TRPC7: variants seen among roughly 807,000 people sequenced by gnomAD.
TRPC7 encodes short transient receptor potential channel 7.
Under a neutral mutation model 90.1 loss-of-function variants are expected in TRPC7, and 42 were observed. The ratio of observed to expected loss-of-function variants is 0.47; its 90% CI spans 0.36 to 0.60. The LOEUF (loss-of-function observed/expected upper bound fraction) is 0.60, where lower values mean the gene tolerates loss of function less well. Ranked by LOEUF, TRPC7 falls within the 20% of genes least tolerant of loss-of-function variation. TRPC7 has a pLI of 0.00. For missense variants in TRPC7, 955 were observed against 1,112.3 expected (o/e 0.86, Z 2.01); for synonymous variants, 451 against 436.3 (o/e 1.03, Z -0.42).
At chr5:136,328,038 C>A (rs1165695559) in intron 2 of TRPC7, among the ~76,000 whole-genome samples, 3 of 152,174 alleles carry the variant, frequency 2.0e-5, no homozygotes, top group African/African-American at 7.2e-5. Context: ...TCCATGGATA[C>A]AATTAATTGT....
chr5:136,315,992 A>C (rs1012616991), intron 2 of TRPC7: 3 of 574,958 alleles, frequency 5.2e-6, no homozygotes, highest in Admixed American at 3.1e-5. Context: ...CTAGGTCAGC[A>C]TGTGTGAAGG....
chr5:136,304,665 A>G (rs1251540216), intron 3 of TRPC7, among the ~76,000 whole-genome samples: 3 of 151,984 alleles, frequency 2.0e-5, no homozygotes, highest in African/African-American at 7.2e-5. Flanking sequence ...TACCTGGGCT[A>G]TACTGCTGCA....
intron 2 of TRPC7, among the ~76,000 whole-genome samples, chr5:136,352,138 G>A (rs998165153): frequency 2.0e-5 from 3 of 152,158 alleles, no homozygotes; most frequent in African/African-American, 7.2e-5. Flanking sequence ...CACAGTCTCT[G>A]ATTTGGGCAC....
chr5:136,280,964 G>A (rs907376313), intron 3 of TRPC7, among the ~76,000 whole-genome samples: 9 of 152,136 alleles, frequency 5.9e-5, no homozygotes, highest in Admixed American at 2.0e-4. Flanking sequence ...TGATTATGAC[G>A]ACAGGGCCTG....
At chr5:136,281,768 T>G (rs1424284343) in intron 3 of TRPC7, among the ~76,000 whole-genome samples, 1 of 151,874 alleles carries the variant, frequency 6.6e-6, no homozygotes, top group African/African-American at 2.4e-5. Context: ...TCAAGGGAGG[T>G]TTCAAGGGTT....
intron 3 of TRPC7, among the ~76,000 whole-genome samples, chr5:136,298,910 T>A (rs1337514910): frequency 6.6e-6 from 1 of 152,172 alleles, no homozygotes; most frequent in Non-Finnish European, 1.5e-5. Context: ...GTGATGATTA[T>A]TAGACTATGA....
intron 2 of TRPC7, among the ~76,000 whole-genome samples, chr5:136,344,614 G>C (rs1226668304): frequency 6.6e-6 from 1 of 152,160 alleles, no homozygotes; most frequent in Non-Finnish European, 1.5e-5. Flanking sequence ...GCAGCACGTG[G>C]CACATCAAAT....
chr5:136,308,052 T>G (rs1758705423), intron 3 of TRPC7, among the ~76,000 whole-genome samples: 1 of 152,218 alleles, frequency 6.6e-6, no homozygotes, highest in African/African-American at 2.4e-5. Flanking sequence ...GTCGGGCTCC[T>G]GGACACGACA....
intron 3 of TRPC7, among the ~76,000 whole-genome samples, chr5:136,292,180 A>G (rs1757981768): frequency 6.6e-6 from 1 of 152,258 alleles, no homozygotes; most frequent in Non-Finnish European, 1.5e-5. Context: ...AATGCCCAAA[A>G]GACAAAGCAG....
chr5:136,273,568 G>A (rs1018767513), intron 4 of TRPC7, among the ~76,000 whole-genome samples: 1 of 152,104 alleles, frequency 6.6e-6, no homozygotes, highest in Non-Finnish European at 1.5e-5. Context: ...CTGGTTAGGT[G>A]GCCTCACCAG....
At chr5:136,261,176 C>A (rs1456977773) in intron 5 of TRPC7, among the ~76,000 whole-genome samples, 2 of 152,166 alleles carry the variant, frequency 1.3e-5, no homozygotes, top group African/African-American at 2.4e-5. Flanking sequence ...GTGCTCAAAT[C>A]TATCTCTCAG....
rs561003342 is a variant in TRPC7 at position 136,312,810 on chromosome 5, G to C, written c.963+2787C>G. 5.3e-5 allele frequency among the ~76,000 whole-genome samples: 8 copies of C among 152,246 alleles called. No individual in the cohort carries two copies. The South Asian group carries it at 1.7e-3, about 32-fold the overall frequency. On this transcript the variant is annotated intron_variant, in intron 3 of 11. Transcript: ENST00000513104. ...GATCCAGAGTGCAGTACCAGCCACA[G>C]AGCAGCACCACCTTCATTCAAATCC...
intron 3 of TRPC7, among the ~76,000 whole-genome samples, chr5:136,312,130 C>T (rs993836353): frequency 6.6e-6 from 1 of 152,156 alleles, no homozygotes; most frequent in African/African-American, 2.4e-5. Flanking sequence ...GCTACATCTC[C>T]AATTCTGCTT....
intron 3 of TRPC7, among the ~76,000 whole-genome samples, chr5:136,297,416 GT>G (rs1271690696): frequency 6.6e-6 from 1 of 151,996 alleles, no homozygotes; most frequent in African/African-American, 2.4e-5. Flanking sequence ...CATCTGATGG[GT>G]TTAGTAGGGA....
chr5:136,298,053 G>A (rs6894680), intron 3 of TRPC7, among the ~76,000 whole-genome samples: 18,410 of 152,230 alleles, frequency 0.12, 1,163 homozygotes, highest in African/African-American at 0.14. Context: ...TGGGGATACA[G>A]TGGTGAGTTG....
intron 3 of TRPC7, among the ~76,000 whole-genome samples, chr5:136,305,221 C>G (rs1010473114): frequency 6.6e-6 from 1 of 152,116 alleles, no homozygotes; most frequent in Non-Finnish European, 1.5e-5. Flanking sequence ...CTCTCTGATC[C>G]ACCTGATATT....
chr5:136,308,593 C>G (rs1224212030), intron 3 of TRPC7, among the ~76,000 whole-genome samples: 1 of 152,222 alleles, frequency 6.6e-6, no homozygotes. Flanking sequence ...CCTGCCTGTG[C>G]TTTGTGCAGA....
At chr5:136,281,321 A>G (rs1757545218) in intron 3 of TRPC7, among the ~76,000 whole-genome samples, 1 of 152,252 alleles carries the variant, frequency 6.6e-6, no homozygotes, top group Non-Finnish European at 1.5e-5. Flanking sequence ...AGCTGATTCC[A>G]TGATGGCTCA....
intron 2 of TRPC7, among the ~76,000 whole-genome samples, chr5:136,330,023 C>T (rs1033988209): frequency 2.0e-5 from 3 of 152,164 alleles, no homozygotes; most frequent in Non-Finnish European, 4.4e-5. Flanking sequence ...GGTTAGTGCT[C>T]CATGGTAGAG....
Sources: gnomAD v4.1 joint callset for allele counts (sites outside exome capture counted in the v4.1 genomes callset) on GRCh38, gnomAD v4.1.1 for gene constraint, MANE v1.5 for transcripts, NCBI Gene and HGNC (gene_info 2026-07-23, HGNC 2026-07-21) for gene names.